ATRNL1: variants seen among roughly 807,000 people sequenced by gnomAD.
ATRNL1 encodes the protein attractin-like protein 1.
ATRNL1 carries 95 observed loss-of-function variants against 182.7 expected under a neutral mutation model. The observed-to-expected ratio is 0.52, with a 90% CI of 0.44 to 0.62. The LOEUF (loss-of-function observed/expected upper bound fraction) is 0.62. Among genes scored for constraint, ATRNL1 ranks in the 20% least tolerant of loss-of-function variants. The probability of loss-of-function intolerance (pLI) is 0.00; values close to 1 mark genes in which losing one functional copy is unlikely to be tolerated. For missense variants in ATRNL1, 1,471 were observed against 1,679.5 expected, an observed-to-expected ratio of 0.88 and a Z score of 2.17; for synonymous variants, 576 against 568.3, an observed-to-expected ratio of 1.01 and a Z score of -0.19.
chr10:115,138,471 G>T (rs1554877218), intron 5 of ATRNL1, among the ~76,000 whole-genome samples: 1 of 152,218 alleles, frequency 6.6e-6, no homozygotes, highest in Non-Finnish European at 1.5e-5. Flanking sequence ...CGAAATCTAG[G>T]TGAAGGTTCC....
intron 26 of ATRNL1, among the ~76,000 whole-genome samples, chr10:115,605,630 T>G (rs1490251566): frequency 1.3e-5 from 2 of 152,010 alleles, no homozygotes; most frequent in East Asian, 3.8e-4. Flanking sequence ...TCATTGTAAG[T>G]CAAAGATCAT....
chr10:115,492,597 ATATAT>A (rs1458060647), intron 24 of ATRNL1, among the ~76,000 whole-genome samples: 33 of 146,830 alleles, frequency 2.2e-4, no homozygotes, highest in African/African-American at 6.7e-4. Flanking sequence ...TATATATTAT[ATATAT>A]TATAATTCAT....
At chr10:115,758,655 CTG>C (rs1948654628) in intron 27 of ATRNL1, among the ~76,000 whole-genome samples, 1 of 152,240 alleles carries the variant, frequency 6.6e-6, no homozygotes, top group South Asian at 2.1e-4. Flanking sequence ...AGCTCAAACA[CTG>C]TGCTGGGAGA....
intron 25 of ATRNL1, among the ~76,000 whole-genome samples, chr10:115,527,531 A>G (rs74986566): frequency 0.016 from 2,418 of 152,072 alleles, 57 homozygotes; most frequent in African/African-American, 0.055. Context: ...GTTTGTATTT[A>G]TTTTTGTGTA....
chr10:115,654,925 C>T (rs1302220964), intron 26 of ATRNL1, among the ~76,000 whole-genome samples: 1 of 152,166 alleles, frequency 6.6e-6, no homozygotes, highest in Non-Finnish European at 1.5e-5. Context: ...ATTTCCACTT[C>T]TTGTCTCTTA....
intron 27 of ATRNL1, among the ~76,000 whole-genome samples, chr10:115,798,897 G>A (rs1555083672): frequency 6.8e-6 from 1 of 148,012 alleles, no homozygotes; most frequent in Non-Finnish European, 1.5e-5. Flanking sequence ...CGCGATCTCA[G>A]CTCACCACAA....
At chr10:115,815,241 C>T (rs782218948) in intron 27 of ATRNL1, among the ~76,000 whole-genome samples, 4 of 152,100 alleles carry the variant, frequency 2.6e-5, no homozygotes, top group Non-Finnish European at 4.4e-5. Context: ...TGAGGATCTC[C>T]TCCCGTATTG....
At chr10:115,646,292 T>C (rs1859611144) in intron 26 of ATRNL1, among the ~76,000 whole-genome samples, 3 of 152,206 alleles carry the variant, frequency 2.0e-5, no homozygotes, top group African/African-American at 7.2e-5. Context: ...GGACCCTTTA[T>C]TAGATAATTT....
intron 25 of ATRNL1, among the ~76,000 whole-genome samples, chr10:115,525,457 G>A (rs1554986327): frequency 6.6e-6 from 1 of 152,176 alleles, no homozygotes; most frequent in African/African-American, 2.4e-5. Context: ...TTTCGGGACT[G>A]CTCTGAAGAG....
At chr10:115,310,796 T>A (rs554196144) in intron 17 of ATRNL1, among the ~76,000 whole-genome samples, 3 of 152,326 alleles carry the variant, frequency 2.0e-5, no homozygotes, top group South Asian at 2.1e-4. Flanking sequence ...GTCTTTTGTA[T>A]TTTGTTGCTT....
intron 9 of ATRNL1, among the ~76,000 whole-genome samples, chr10:115,233,524 C>T (rs1442767049): frequency 3.9e-5 from 6 of 151,922 alleles, no homozygotes; most frequent in African/African-American, 1.5e-4. Context: ...ATATTTTTCT[C>T]GTCTTACAAT....
chr10:115,449,632 C>A (rs1404340223), intron 21 of ATRNL1, among the ~76,000 whole-genome samples: 4 of 152,178 alleles, frequency 2.6e-5, no homozygotes, highest in Non-Finnish European at 5.9e-5. Context: ...TGGGGCTGCA[C>A]AGAGTTTTGC....
intron 22 of ATRNL1, among the ~76,000 whole-genome samples, chr10:115,466,476 G>T (rs782756392): frequency 1.3e-5 from 2 of 150,998 alleles, no homozygotes; most frequent in Non-Finnish European, 3.0e-5. Flanking sequence ...TGCTTCTTAC[G>T]TCTTGGAGTA....
At chr10:115,101,049 T>G (rs1338560068) in intron 1 of ATRNL1, among the ~76,000 whole-genome samples, 1 of 152,196 alleles carries the variant, frequency 6.6e-6, no homozygotes, top group Non-Finnish European at 1.5e-5. Context: ...ACACAACTGA[T>G]TTGTGTATGT....
chr10:115,843,876 A>G (rs921138604), intron 27 of ATRNL1, among the ~76,000 whole-genome samples: 26 of 152,096 alleles, frequency 1.7e-4, no homozygotes, highest in African/African-American at 6.3e-4. Flanking sequence ...TAAGCATACA[A>G]GCTCAGAAAA....
chr10:115,332,874 A>T (rs1047577035), intron 18 of ATRNL1, among the ~76,000 whole-genome samples: 1 of 151,744 alleles, frequency 6.6e-6, no homozygotes, highest in East Asian at 1.9e-4. Flanking sequence ...TCTGTCGTTG[A>T]TTAGCTGTGT....
intron 8 of ATRNL1, among the ~76,000 whole-genome samples, chr10:115,183,298 T>A (rs1411175082): frequency 1.3e-5 from 2 of 151,410 alleles, no homozygotes; most frequent in Non-Finnish European, 3.0e-5. Flanking sequence ...ACATTCCCAA[T>A]TCAAAAAGCT....
rs368473482 is a variant in ATRNL1, at chr10:115,424,312, T to C, written c.3270-1938T>C. Among the ~76,000 whole-genome samples, 5 of 152,230 alleles carry C rather than the reference T, an allele frequency of 3.3e-5. 1 individual carries two copies. The highest frequency in any genetic ancestry group is 1.2e-4 in the African/African-American group (5 of 41,552). ...CTGGCGAGGTTGTGGAGAAAGAGGA[T>C]CTTCTATCCACCGTTGGTGGAAATG... On this transcript the variant is annotated intron_variant, in intron 20 of 28. Coordinates refer to ENST00000355044, the MANE Select transcript of ATRNL1 (RefSeq NM_207303.4).
At chr10:115,526,435 C>T (rs782414485) in intron 25 of ATRNL1, among the ~76,000 whole-genome samples, 1 of 152,202 alleles carries the variant, frequency 6.6e-6, no homozygotes, top group Non-Finnish European at 1.5e-5. Flanking sequence ...ATCAATACAA[C>T]ATAATGATAA....
Sources: allele counts gnomAD v4.1 joint callset (sites outside exome capture counted in the v4.1 genomes callset), GRCh38; gene constraint gnomAD v4.1.1; transcripts MANE v1.5; gene names NCBI Gene and HGNC (gene_info 2026-07-23, HGNC 2026-07-21).